AKT3: variants seen among roughly 807,000 people sequenced by gnomAD.
AKT3 encodes AKT serine/threonine kinase 3.
AKT3 carries 15 observed loss-of-function variants against 65.3 expected under a neutral mutation model. The observed-to-expected ratio is 0.23, with a 90% CI of 0.15 to 0.35. The LOEUF (loss-of-function observed/expected upper bound fraction) is 0.35, where lower values mean the gene tolerates loss of function less well. Among genes scored for constraint, AKT3 ranks in the 10% least tolerant of loss-of-function variants. The pLI, the probability that AKT3 is intolerant of heterozygous loss-of-function variation, is 1.00. For synonymous variants in AKT3, 206 were observed against 183.8 expected, an observed-to-expected ratio of 1.12 and a Z score of -0.98; for missense variants, 243 against 576.5, an observed-to-expected ratio of 0.42 and a Z score of 5.92.
At chr1:243,781,782 CCTGGAAAACTATTCTAAAATTCACATGGA>C (rs1193879036) in intron 2 of AKT3, among the ~76,000 whole-genome samples, 1 of 152,076 alleles carries the variant, frequency 6.6e-6, no homozygotes, top group African/African-American at 2.4e-5. Context: ...TTTGATGAAA[CCTGGAAAACTATTCTAAAATTCACATGGA>C]TTGATGGATT....
chr1:243,574,735 G>A (rs186216818), intron 8 of AKT3, among the ~76,000 whole-genome samples: 14 of 152,172 alleles, frequency 9.2e-5, no homozygotes, highest in Admixed American at 1.3e-4. Flanking sequence ...ATGTTTTCCA[G>A]GTTAAAATAA....
intron 2 of AKT3, among the ~76,000 whole-genome samples, chr1:243,718,733 A>G (rs979636268): frequency 2.6e-5 from 4 of 151,962 alleles, no homozygotes; most frequent in Admixed American, 6.6e-5. Context: ...TCGGCCTCCC[A>G]AAGTGCTGGG....
At position 243,706,211 on chromosome 1, in the gene AKT3, AATAAAGACT is replaced by A. The variant is rs1265844057; in HGVS notation, c.47-10504_47-10496del. Among the ~76,000 whole-genome samples, 4 of 152,316 alleles carry A rather than the reference AATAAAGACT, an allele frequency of 2.6e-5. No homozygotes were observed. The East Asian group carries it at 5.8e-4, about 22-fold the overall frequency. On this transcript the variant is annotated intron_variant, in intron 2 of 13. Coordinates refer to ENST00000673466, the MANE Select transcript of AKT3 (RefSeq NM_005465.7). Reference sequence around the variant, plus strand: ...ACTAAATAAACCTACCACCATTTGAAATAAAGACTATACTCCTGTCAGAAAAGCTCTCTC... The same window carrying A: ...ACTAAATAAACCTACCACCATTTGAAATACTCCTGTCAGAAAAGCTCTCTC...
At chr1:243,532,928 G>T (rs1412206813) in intron 12 of AKT3, among the ~76,000 whole-genome samples, 1 of 152,110 alleles carries the variant, frequency 6.6e-6, no homozygotes, top group Non-Finnish European at 1.5e-5. Context: ...TACTCAACTT[G>T]GTGGCATACA....
At chr1:243,543,111 C>T (rs1672429519) in intron 12 of AKT3, among the ~76,000 whole-genome samples, 2 of 152,200 alleles carry the variant, frequency 1.3e-5, no homozygotes, top group Admixed American at 6.5e-5. Flanking sequence ...GTTTAGGCAG[C>T]TCCTCCTCCC....
intron 4 of AKT3, among the ~76,000 whole-genome samples, chr1:243,659,983 T>C (rs1219788665): frequency 1.3e-5 from 2 of 152,172 alleles, no homozygotes; most frequent in Non-Finnish European, 2.9e-5. Context: ...ATCAGGATGA[T>C]GCTGGCCTCA....
intron 2 of AKT3, among the ~76,000 whole-genome samples, chr1:243,717,179 A>G (rs888661539): frequency 6.6e-6 from 1 of 152,234 alleles, no homozygotes; most frequent in Non-Finnish European, 1.5e-5. Flanking sequence ...CCCATGACAC[A>G]TAATACATTA....
At chr1:243,709,629 CCTT>C (rs1686023188) in intron 2 of AKT3, among the ~76,000 whole-genome samples, 1 of 151,754 alleles carries the variant, frequency 6.6e-6, no homozygotes, top group African/African-American at 2.4e-5. Context: ...TATTTAAAAT[CCTT>C]CTTTACTAAA....
At chr1:243,546,868 G>A (rs968939048) in intron 11 of AKT3, 4 of 152,134 alleles carry the variant, frequency 2.6e-5, no homozygotes, top group Admixed American at 2.0e-4. Flanking sequence ...TGAAACTTAC[G>A]ATTAGTTCCA....
intron 12 of AKT3, among the ~76,000 whole-genome samples, chr1:243,520,697 G>C (rs1387496353): frequency 6.6e-6 from 1 of 152,134 alleles, no homozygotes. Context: ...AAACCAATTT[G>C]CTTTCAGAAA....
intron 2 of AKT3, among the ~76,000 whole-genome samples, chr1:243,789,425 C>G (rs961817141): frequency 1.3e-5 from 2 of 152,138 alleles, no homozygotes; most frequent in South Asian, 4.1e-4. Flanking sequence ...AAAACAGCAA[C>G]TCCTCATCCA....
intron 2 of AKT3, among the ~76,000 whole-genome samples, chr1:243,783,824 TA>T (rs2148316507): frequency 6.6e-6 from 1 of 152,272 alleles, no homozygotes; most frequent in Non-Finnish European, 1.5e-5. Flanking sequence ...TAGAAAGCAG[TA>T]CCATACACAA....
At chr1:243,583,579 A>T (rs1168271012) in intron 8 of AKT3, among the ~76,000 whole-genome samples, 2 of 150,048 alleles carry the variant, frequency 1.3e-5, no homozygotes, top group African/African-American at 4.8e-5. Flanking sequence ...AAAAAGAAAA[A>T]GAAAAACAAA....
At chr1:243,535,228 A>AATAATTTTAAAAT (rs1558596504) in intron 12 of AKT3, among the ~76,000 whole-genome samples, 1 of 151,204 alleles carries the variant, frequency 6.6e-6, no homozygotes, top group African/African-American at 2.4e-5. Context: ...TATATTTTAA[A>AATAATTTTAAAAT]AATTTCAATA....
chr1:243,589,307 A>G (rs1271034427), intron 8 of AKT3, among the ~76,000 whole-genome samples: 1 of 101,414 alleles, frequency 9.9e-6, no homozygotes, highest in Non-Finnish European at 1.9e-5. Context: ...ACTCCATCTC[A>G]AAAAAAAAAA....
intron 13 of AKT3, among the ~76,000 whole-genome samples, chr1:243,494,501 G>A (rs1011649796): frequency 6.6e-6 from 1 of 152,126 alleles, no homozygotes; most frequent in Non-Finnish European, 1.5e-5. Context: ...TAAGCATCTC[G>A]CGACCTTCGG....
intron 8 of AKT3, among the ~76,000 whole-genome samples, chr1:243,583,540 CAA>C (rs1294857854): frequency 3.3e-5 from 1 of 30,010 alleles, no homozygotes; most frequent in African/African-American, 1.0e-4. Flanking sequence ...AAGTAAGTCT[CAA>C]AAAAAAAAAA....
At chr1:243,711,976 T>G (rs759785868) in intron 2 of AKT3, among the ~76,000 whole-genome samples, 4 of 152,250 alleles carry the variant, frequency 2.6e-5, no homozygotes, top group African/African-American at 4.8e-5. Flanking sequence ...AGTTTGCTTG[T>G]GTATAAAAGT....
At chr1:243,633,920 G>C (rs1679789873) in intron 6 of AKT3, among the ~76,000 whole-genome samples, 2 of 152,040 alleles carry the variant, frequency 1.3e-5, no homozygotes, top group African/African-American at 4.8e-5. Flanking sequence ...AAGTGAAAGA[G>C]AAAAAATTAT....
Sources: allele counts gnomAD v4.1 joint callset (sites outside exome capture counted in the v4.1 genomes callset), GRCh38; gene constraint gnomAD v4.1.1; transcripts MANE v1.5; gene names NCBI Gene and HGNC (gene_info 2026-07-23, HGNC 2026-07-21).